FOXP2: variants seen among roughly 807,000 people sequenced by gnomAD.
FOXP2 encodes forkhead box P2, also known as forkhead box protein P2.
Under a neutral mutation model 115.8 loss-of-function variants are expected in FOXP2, and 12 were observed. The observed-to-expected ratio is 0.10, with a 90% confidence interval of 0.07 to 0.17. The LOEUF (loss-of-function observed/expected upper bound fraction) is 0.17, where lower values mean the gene tolerates loss of function less well. Ranked by LOEUF, FOXP2 falls within the 10% of genes least tolerant of loss-of-function variation. The pLI, the probability that FOXP2 is intolerant of heterozygous loss-of-function variation, is 1.00. For synonymous variants in FOXP2, 328 were observed against 297.7 expected (o/e 1.10, Z -1.05); for missense variants, 629 against 843.5 (o/e 0.75, Z 3.15).
At chr7:114,492,399 A>T (rs1214363901) in intron 2 of FOXP2, among the ~76,000 whole-genome samples, 1 of 151,494 alleles carries the variant, frequency 6.6e-6, no homozygotes, top group East Asian at 1.9e-4. Context: ...GATTTTTTGT[A>T]TCTCTATTTC....
At chr7:114,596,261 G>A (rs1802699585) in intron 3 of FOXP2, among the ~76,000 whole-genome samples, 1 of 151,972 alleles carries the variant, frequency 6.6e-6, no homozygotes, top group South Asian at 2.1e-4. Context: ...ACTTGGTTGT[G>A]CTTCTTGGAA....
At position 114,390,147 on chromosome 7, in the gene FOXP2, T is replaced by A. The variant is rs184685183; in HGVS notation, c.-10-36355T>A. On this transcript the variant is annotated intron_variant, in intron 2 of 17. Coordinates refer to the FOXP2 transcript ENST00000634411. ...AAGATACATATGAAAAATTCAAAAA[T>A]TTTTTAAAAAGCATGTATTATAGTT... is the stretch of plus-strand genomic sequence containing the variant. 5.4e-3 allele frequency among the ~76,000 whole-genome samples: 815 copies of A among 152,000 alleles called. 13 individuals are homozygous for A. The highest frequency in any genetic ancestry group is 0.018 in the African/African-American group (758 of 41,476).
In FOXP2 at chr7:114,543,079, C is replaced by T. The variant is rs550965644; in HGVS notation, c.258+8373C>T. Among the ~76,000 whole-genome samples, 32 of 152,004 alleles carry T rather than the reference C, an allele frequency of 2.1e-4. No individual in the cohort carries two copies. The South Asian group carries it at 6.6e-3, about 32-fold the overall frequency. On this transcript the variant is annotated intron_variant, in intron 3 of 16. Coordinates refer to ENST00000350908, the MANE Select transcript of FOXP2 (RefSeq NM_014491.4). ...TTATAGCATGAGCCACCATACCCGG[C>T]CTGTTCTTTCAAAATATTTAAGTCA...
chr7:114,255,525 T>G (rs527986568), intron 1 of FOXP2, among the ~76,000 whole-genome samples: 8 of 152,318 alleles, frequency 5.3e-5, no homozygotes, highest in African/African-American at 1.9e-4. Flanking sequence ...GCTGCGGCCT[T>G]GCAGTTTGAT....
intron 3 of FOXP2, among the ~76,000 whole-genome samples, chr7:114,584,278 G>A (rs1246363070): frequency 6.6e-6 from 1 of 151,904 alleles, no homozygotes; most frequent in Admixed American, 6.6e-5. Context: ...TTAGAACAGT[G>A]CCTATTTGAA....
At chr7:114,368,824 T>C (rs1180064717) in intron 2 of FOXP2, among the ~76,000 whole-genome samples, 2 of 152,190 alleles carry the variant, frequency 1.3e-5, no homozygotes, top group Non-Finnish European at 2.9e-5. Context: ...TACCTATAGC[T>C]TTGACAAGAA....
chr7:114,298,728 T>G (rs1005330570), intron 2 of FOXP2, among the ~76,000 whole-genome samples: 66 of 152,148 alleles, frequency 4.3e-4, no homozygotes, highest in African/African-American at 1.5e-3. Flanking sequence ...TTGAACAACT[T>G]CTCTTCTCAT....
At chr7:114,625,823 G>T (rs990201051) in intron 3 of FOXP2, among the ~76,000 whole-genome samples, 2 of 151,592 alleles carry the variant, frequency 1.3e-5, no homozygotes, top group Non-Finnish European at 3.0e-5. Flanking sequence ...TATATATGTG[G>T]ATTTAGAGAT....
intron 2 of FOXP2, among the ~76,000 whole-genome samples, chr7:114,515,940 C>T (rs1371307946): frequency 6.6e-6 from 1 of 152,118 alleles, no homozygotes; most frequent in Non-Finnish European, 1.5e-5. Flanking sequence ...ACATTCCATG[C>T]TCATGGGTAG....
At chr7:114,471,168 C>T (rs1226622133) in intron 2 of FOXP2, among the ~76,000 whole-genome samples, 1 of 152,090 alleles carries the variant, frequency 6.6e-6, no homozygotes, top group Non-Finnish European at 1.5e-5. Context: ...GTATTTCCCA[C>T]AATTTCAATT....
At chr7:114,121,156 A>ATGAGG (rs1185731265) in intron 1 of FOXP2, among the ~76,000 whole-genome samples, 1 of 152,094 alleles carries the variant, frequency 6.6e-6, no homozygotes, top group Non-Finnish European at 1.5e-5. Context: ...TTTGGGAGGC[A>ATGAGG]ATTAAGTCAT....
At chr7:114,230,418 A>C (rs1794845179) in intron 1 of FOXP2, among the ~76,000 whole-genome samples, 1 of 151,954 alleles carries the variant, frequency 6.6e-6, no homozygotes, top group Admixed American at 6.6e-5. Context: ...AAGACACTAC[A>C]CAAATGAAAA....
At chr7:114,291,540 A>G (rs949354864) in intron 2 of FOXP2, among the ~76,000 whole-genome samples, 3 of 151,988 alleles carry the variant, frequency 2.0e-5, no homozygotes, top group Non-Finnish European at 4.4e-5. Context: ...TCATCTCACA[A>G]TTTCTGTGGG....
At chr7:114,491,060 A>G (rs1797025486) in intron 2 of FOXP2, among the ~76,000 whole-genome samples, 1 of 152,216 alleles carries the variant, frequency 6.6e-6, no homozygotes, top group Non-Finnish European at 1.5e-5. Context: ...TTCTAGTTCT[A>G]GATCCCTGAG....
chr7:114,363,841 A>G (rs546218822), intron 2 of FOXP2, among the ~76,000 whole-genome samples: 15 of 152,254 alleles, frequency 9.9e-5, no homozygotes, highest in African/African-American at 3.4e-4. Flanking sequence ...AAAAAAAAGT[A>G]CATCCATGAC....
chr7:114,172,989 G>A (rs546375409), intron 1 of FOXP2, among the ~76,000 whole-genome samples: 1 of 152,030 alleles, frequency 6.6e-6, no homozygotes, highest in African/African-American at 2.4e-5. Flanking sequence ...TTTAATCACA[G>A]TTTATTTATC....
At chr7:114,100,808 A>G (rs964995020) in intron 1 of FOXP2, among the ~76,000 whole-genome samples, 1 of 152,198 alleles carries the variant, frequency 6.6e-6, no homozygotes, top group Non-Finnish European at 1.5e-5. Context: ...TTTATTGAGC[A>G]GTTAGCTTAA....
intron 1 of FOXP2, among the ~76,000 whole-genome samples, chr7:114,222,286 G>T (rs1273978416): frequency 6.6e-6 from 1 of 152,126 alleles, no homozygotes; most frequent in Non-Finnish European, 1.5e-5. Context: ...CTCTTGAGTA[G>T]CTGGGACTAC....
intron 1 of FOXP2, among the ~76,000 whole-genome samples, chr7:114,137,897 A>G (rs1792085113): frequency 6.6e-6 from 1 of 152,198 alleles, no homozygotes. Context: ...TAGAAGCAAC[A>G]GACATTAGTA....
Sources: allele counts gnomAD v4.1 joint callset (sites outside exome capture counted in the v4.1 genomes callset), GRCh38; gene constraint gnomAD v4.1.1; transcripts MANE v1.5; gene names NCBI Gene and HGNC (gene_info 2026-07-23, HGNC 2026-07-21).